The following MRPS31 variants were observed in gnomAD, a reference collection of about 807,000 sequenced individuals.
MRPS31 encodes small ribosomal subunit protein mS31.
In MRPS31, 32 loss-of-function variants were observed where a neutral mutation model predicts 43.1. That is an observed-to-expected ratio of 0.74 (90% CI 0.56 to 1.00). The LOEUF (loss-of-function observed/expected upper bound fraction) is 1.00. Ranked by LOEUF, MRPS31 falls within the 50% of genes least tolerant of loss-of-function variation. The pLI is 0.00. For missense variants in MRPS31, 437 were observed against 466.7 expected (o/e 0.94, Z 0.59); for synonymous variants, 165 against 161.6 (o/e 1.02, Z -0.16).
In MRPS31 at chr13:40,734,391, TACAG is replaced by T. The variant is rs1177938344; in HGVS notation, c.959-4794_959-4791del. 4.6e-5 allele frequency among the ~76,000 whole-genome samples: 7 copies of T among 152,230 alleles called. No homozygotes were observed. The East Asian group carries it at 1.4e-3, about 29-fold the overall frequency. On this transcript the variant is annotated intron_variant, in intron 6 of 6. Coordinates refer to ENST00000323563, the MANE Select transcript of MRPS31 (RefSeq NM_005830.4). ...AGAAGACCTAGGTATAGATGACAGC[TACAG>T]ACAGACAGCTCCAGGTACCCATGGA...
intron 6 of MRPS31, among the ~76,000 whole-genome samples, chr13:40,740,764 C>T (rs1880063169): frequency 7.8e-6 from 1 of 128,004 alleles, no homozygotes; most frequent in African/African-American, 3.0e-5. Context: ...GGAAGGGGAA[C>T]ATCACACTCT....
At chr13:40,761,849 A>C (rs926618209) in intron 2 of MRPS31, among the ~76,000 whole-genome samples, 4 of 152,100 alleles carry the variant, frequency 2.6e-5, no homozygotes, top group Admixed American at 2.0e-4. Flanking sequence ...TCAAAGGCAA[A>C]AAATATATAT....
At chr13:40,742,911 G>A (rs1031925398) in intron 6 of MRPS31, among the ~76,000 whole-genome samples, 1 of 152,074 alleles carries the variant, frequency 6.6e-6, no homozygotes, top group African/African-American at 2.4e-5. Flanking sequence ...ACTCAAGGTG[G>A]ATTAAAGGCT....
chr13:40,729,692 A>T, intron 6 of MRPS31, 91 bp from the exon 7 acceptor site: 1 of 858,884 alleles, frequency 1.2e-6, no homozygotes, highest in Non-Finnish European at 1.8e-6. Context: ...ATAATATTAC[A>T]GTTTAAGGCA....
chr13:40,729,832 C>T (rs1010743505), intron 6 of MRPS31, among the ~76,000 whole-genome samples: 2 of 150,726 alleles, frequency 1.3e-5, no homozygotes, highest in African/African-American at 4.9e-5. Flanking sequence ...GGGTTTCATG[C>T]GATTCTCCTG....
intron 6 of MRPS31, among the ~76,000 whole-genome samples, chr13:40,732,388 T>C (rs1303969867): frequency 1.3e-5 from 2 of 152,234 alleles, no homozygotes; most frequent in African/African-American, 4.8e-5. Flanking sequence ...TGGCAGGAAC[T>C]GATACCTATC....
At chr13:40,751,862 T>C (rs1880400008) in intron 5 of MRPS31, among the ~76,000 whole-genome samples, 1 of 152,198 alleles carries the variant, frequency 6.6e-6, no homozygotes, top group Non-Finnish European at 1.5e-5. Flanking sequence ...TTTGATACTG[T>C]TTTATAAAAT....
In MRPS31 at chr13:40,729,368, G is replaced by T. The variant is rs1204891115; in HGVS notation, c.*4C>A. The T allele has an allele frequency of 2.2e-6, 3 of 1,367,056 alleles. No individual in the cohort carries two copies. The highest frequency in any genetic ancestry group is 3.7e-4 in the Middle Eastern group (2 of 5,374). 84.7% of individuals were successfully genotyped at this position (1,367,056 alleles called of 1,614,324 possible). On this transcript the variant is annotated 3_prime_UTR_variant, in exon 7 of 7. Coordinates refer to ENST00000323563, the MANE Select transcript of MRPS31 (RefSeq NM_005830.4). Reference sequence around the variant, plus strand: ...AATTGTTTGAAATAAAAATTTCCATGGTCTTAATTGAACTGTATGTTACTT... The same window carrying T: ...AATTGTTTGAAATAAAAATTTCCATTGTCTTAATTGAACTGTATGTTACTT...
At chr13:40,733,958 TCAA>T (rs1879790783) in intron 6 of MRPS31, among the ~76,000 whole-genome samples, 1 of 43,968 alleles carries the variant, frequency 2.3e-5, no homozygotes. Context: ...AGACTCTGAC[TCAA>T]AAAAAAAAAA....
rs1419136208 is a variant in MRPS31, at chr13:40,758,376, G to A, written c.599+572C>T. Reference sequence around the variant, plus strand: ...ACATGGCCATTTCTTTTAATTTCTTGAAATAAATCTGGTATACACGTTCAT... The same window carrying A: ...ACATGGCCATTTCTTTTAATTTCTTAAAATAAATCTGGTATACACGTTCAT... On this transcript the variant is annotated intron_variant, in intron 3 of 6. Coordinates refer to ENST00000323563, the MANE Select transcript of MRPS31 (RefSeq NM_005830.4). Among the ~76,000 whole-genome samples, 3 of 152,086 alleles carry A rather than the reference G, an allele frequency of 2.0e-5. No individual in the cohort carries two copies. The East Asian group carries it at 5.8e-4, about 29-fold the overall frequency.
intron 2 of MRPS31, among the ~76,000 whole-genome samples, chr13:40,763,451 C>T (rs773563546): frequency 9.9e-5 from 15 of 152,184 alleles, no homozygotes; most frequent in Non-Finnish European, 1.8e-4. Flanking sequence ...TAAGAAGAAT[C>T]ACTGCATTTA....
At chr13:40,734,409 G>C (rs1879812654) in intron 6 of MRPS31, among the ~76,000 whole-genome samples, 1 of 152,222 alleles carries the variant, frequency 6.6e-6, no homozygotes, top group African/African-American at 2.4e-5. Flanking sequence ...GACAGCTCCA[G>C]GTACCCATGG....
At chr13:40,754,742 T>C (rs1880481386) in intron 4 of MRPS31, among the ~76,000 whole-genome samples, 1 of 152,208 alleles carries the variant, frequency 6.6e-6, no homozygotes, top group Middle Eastern at 3.2e-3. Context: ...ATAAACTGGA[T>C]GGCTGGCCAG....
chr13:40,756,666 T>C (rs1220050671), intron 4 of MRPS31, among the ~76,000 whole-genome samples: 1 of 152,190 alleles, frequency 6.6e-6, no homozygotes. Context: ...TGATTTCAGG[T>C]ATGGAAAACT....
intron 6 of MRPS31, among the ~76,000 whole-genome samples, 184 bp from the exon 7 acceptor site, chr13:40,729,785 G>A (rs573711146): frequency 1.3e-5 from 2 of 150,188 alleles, no homozygotes; most frequent in African/African-American, 2.5e-5. Context: ...TTGAAGTGGA[G>A]TGGCACGATC....
intron 1 of MRPS31, among the ~76,000 whole-genome samples, chr13:40,767,813 G>A (rs1051120659): frequency 5.3e-5 from 8 of 152,136 alleles, no homozygotes; most frequent in Non-Finnish European, 8.8e-5. Context: ...CTCTTTAAAA[G>A]TTATCATTAA....
At chr13:40,763,401 G>A (rs1880756084) in intron 2 of MRPS31, among the ~76,000 whole-genome samples, 1 of 152,164 alleles carries the variant, frequency 6.6e-6, no homozygotes, top group African/African-American at 2.4e-5. Context: ...TTGTAACAGG[G>A]CCACATGCAG....
At chr13:40,744,905 C>T (rs1880200316) in intron 6 of MRPS31, among the ~76,000 whole-genome samples, 1 of 151,892 alleles carries the variant, frequency 6.6e-6, no homozygotes, top group Non-Finnish European at 1.5e-5. Context: ...TGAGCCACTG[C>T]ACCCAGCCCA....
At chr13:40,741,888 T>TAC (rs61011673) in intron 6 of MRPS31, among the ~76,000 whole-genome samples, 4,345 of 140,720 alleles carry the variant, frequency 0.031, 150 homozygotes, top group East Asian at 0.11. Flanking sequence ...AGTAACAAAA[T>TAC]ACACACACAC....
Sources: gnomAD v4.1 joint callset for allele counts (sites outside exome capture counted in the v4.1 genomes callset) on GRCh38, gnomAD v4.1.1 for gene constraint, MANE v1.5 for transcripts, NCBI Gene and HGNC (gene_info 2026-07-23, HGNC 2026-07-21) for gene names.